RBM6: variants seen among roughly 807,000 people sequenced by gnomAD.
RBM6 encodes RNA binding motif protein 6, also known as RNA-binding protein 6.
A neutral mutation model predicts 140.4 loss-of-function variants in RBM6; 23 were observed. That is an observed-to-expected ratio of 0.16 (90% CI 0.12 to 0.23). The LOEUF (loss-of-function observed/expected upper bound fraction) is 0.23. RBM6 is among the 10% of genes least tolerant of loss of function. RBM6 has a pLI of 1.00. For synonymous variants in RBM6, 439 were observed against 475.6 expected, an observed-to-expected ratio of 0.92 and a Z score of 1.00; for missense variants, 1,139 against 1,386.7, an observed-to-expected ratio of 0.82 and a Z score of 2.84.
chr3:50,008,502 A>C (rs1294132404), intron 6 of RBM6, among the ~76,000 whole-genome samples: 3 of 151,732 alleles, frequency 2.0e-5, no homozygotes, highest in Non-Finnish European at 4.4e-5. Context: ...GTAGCACAGA[A>C]AGATTTAGAA....
At chr3:50,062,235 T>C (rs1433382301) in intron 15 of RBM6, 127 bp downstream of exon 15, 2 of 1,143,090 alleles carry the variant, frequency 1.7e-6, no homozygotes, top group Non-Finnish European at 1.2e-6. Flanking sequence ...CCGGGCGTGG[T>C]GGCTAACGCC....
Position 49,968,532 on chromosome 3 carries a change from G to C in RBM6, c.1107G>C (p.Lys369Asn), listed in dbSNP as rs763440033. 3.1e-6 allele frequency: 5 copies of C among 1,614,178 alleles called. No individual in the cohort carries two copies. Among genetic ancestry groups the C allele is most frequent in the Non-Finnish European group, 1.7e-6 (2 of 1,180,040 alleles). ...AAAGTCCAGTTCAAGACCAAGATAA[G>C]TCACAGCTTTCTGGACGTGAAGAGC... ...NSQSPVQDQD[K>N]SQLSGREEQS... Residue 369 changes from lysine to asparagine, a missense_variant, in exon 3 of 21, where the codon AAG (lysine) becomes AAC (asparagine). Physicochemically the swap from Lys to Asn is moderately conservative, Grantham distance 94. Around this residue, in one of 9 missense-constraint regions of RBM6, gnomAD observed 566 missense variants for 612.7 expected, o/e 0.92. Transcript: ENST00000266022.
At chr3:50,022,950 T>C (rs1425562907) in intron 6 of RBM6, among the ~76,000 whole-genome samples, 4 of 151,876 alleles carry the variant, frequency 2.6e-5, no homozygotes, top group Admixed American at 2.0e-4. Context: ...AGTACAAAAA[T>C]TAGCCAGGTA....
chr3:50,036,148 A>G (rs2088525073), intron 6 of RBM6, among the ~76,000 whole-genome samples: 1 of 151,670 alleles, frequency 6.6e-6, no homozygotes, highest in South Asian at 2.1e-4. Flanking sequence ...CGCCCACCTC[A>G]GCTCCCAAAG....
At chr3:50,055,044 G>C (rs1474707891) in intron 8 of RBM6, among the ~76,000 whole-genome samples, 4 of 152,074 alleles carry the variant, frequency 2.6e-5, no homozygotes, top group Admixed American at 1.3e-4. Context: ...GGATGGTCTC[G>C]ATCTCCTGAC....
rs144633141 is a variant in RBM6, at chr3:49,952,417, C to G, written c.-66-10159C>G. On this transcript the variant is annotated intron_variant, in intron 1 of 20. Transcript: ENST00000266022. ...CTGACCTCAAGTGATCTGCCCACTT[C>G]AGCCTTCTGAAGTGCTGGGATTAAA... Among the ~76,000 whole-genome samples the G allele has an allele frequency of 7.0e-3, 1,060 of 151,918 alleles. 15 individuals are homozygous for G. The highest frequency in any genetic ancestry group is 0.024 in the African/African-American group (1,009 of 41,430).
intron 15 of RBM6, among the ~76,000 whole-genome samples, chr3:50,064,551 A>T (rs2108931056): frequency 6.6e-6 from 1 of 152,086 alleles, no homozygotes; most frequent in African/African-American, 2.4e-5. Context: ...TCTCTCTGTC[A>T]CCCAGGCTGG....
chr3:49,999,395 A>G (rs760316093), intron 5 of RBM6, 45 bp from the exon 6 acceptor site: 4 of 1,512,154 alleles, frequency 2.6e-6, no homozygotes, highest in Non-Finnish European at 3.7e-6. Flanking sequence ...TTGTGTTTGC[A>G]AGGCACTAAC....
At chr3:50,023,797 C>T (rs1316115084) in intron 6 of RBM6, among the ~76,000 whole-genome samples, 2 of 151,412 alleles carry the variant, frequency 1.3e-5, no homozygotes, top group South Asian at 2.1e-4. Flanking sequence ...TACAGGCACC[C>T]GCCATCATGC....
chr3:50,020,878 C>T (rs1220378362), intron 6 of RBM6, among the ~76,000 whole-genome samples: 1 of 152,150 alleles, frequency 6.6e-6, no homozygotes, highest in Non-Finnish European at 1.5e-5. Flanking sequence ...TATGCAAGCC[C>T]ATTGTTGACT....
At chr3:50,018,581 GTTTTTTTTTTTTTTTTT>G (rs58115280) in intron 6 of RBM6, among the ~76,000 whole-genome samples, 6 of 63,554 alleles carry the variant, frequency 9.4e-5, no homozygotes, top group Admixed American at 2.3e-4. Flanking sequence ...GTAGGAGTGT[GTTTTTTTTTTTTTTTTT>G]TTTTTTTTTT....
chr3:50,006,400 T>G lies in RBM6; in HGVS notation c.1557+6887T>G, dbSNP rs563731377. On this transcript the variant is annotated intron_variant, in intron 6 of 20. Transcript: ENST00000266022. ...ATCCGCCCGCCTCGGCCTCCCAGAG[T>G]GCTGGGATTACACATGTGAGCCACT... 4.5e-3 allele frequency among the ~76,000 whole-genome samples: 688 copies of G among 152,110 alleles called. 9 individuals are homozygous for G. The highest frequency in any genetic ancestry group is 4.0e-3 in the Non-Finnish European group (272 of 67,988).
At position 49,968,685 on chromosome 3, in the gene RBM6, C is replaced by T; in HGVS notation, c.1260C>T (p.Gly420=). ...DHRLPGSQMF[G]YGQSKSFPEG... ...GGCTGCCAGGAAGCCAGATGTTTGG[C>T]TATGGCCAGAGCAAGTCTTTTCCAG... Residue 420 remains glycine (G), a synonymous_variant, in exon 3 of 21, where the codon GGC becomes GGT. Coordinates refer to ENST00000266022, the MANE Select transcript of RBM6 (RefSeq NM_005777.3). The T allele has an allele frequency of 2.5e-6, 4 of 1,606,854 alleles. No individual in the cohort carries two copies. The highest frequency in any genetic ancestry group is 3.4e-6 in the Non-Finnish European group (4 of 1,176,282).
chr3:49,989,093 T>C (rs1331975624), intron 5 of RBM6, among the ~76,000 whole-genome samples: 4 of 151,928 alleles, frequency 2.6e-5, no homozygotes, highest in Non-Finnish European at 5.9e-5. Flanking sequence ...GGTAGGAAAA[T>C]CATCACATAG....
chr3:50,073,734 A>G (rs2090375243), intron 19 of RBM6, among the ~76,000 whole-genome samples: 2 of 152,184 alleles, frequency 1.3e-5, no homozygotes, highest in Non-Finnish European at 2.9e-5. Context: ...TACAAACCGT[A>G]TACCTTGCCT....
chr3:49,957,310 CTT>C (rs888900457), intron 1 of RBM6, among the ~76,000 whole-genome samples: 63 of 141,226 alleles, frequency 4.5e-4, no homozygotes, highest in Non-Finnish European at 4.5e-4. Flanking sequence ...TTCTTTCTTT[CTT>C]TTTTTTTTTT....
chr3:49,953,329 C>T (rs534989673), intron 1 of RBM6, among the ~76,000 whole-genome samples: 1 of 151,824 alleles, frequency 6.6e-6, no homozygotes, highest in Admixed American at 6.6e-5. Context: ...AAGTGATTCT[C>T]CTCCCTCAGC....
chr3:49,983,253 G>A (rs746193954), intron 5 of RBM6, among the ~76,000 whole-genome samples: 2 of 152,016 alleles, frequency 1.3e-5, no homozygotes, highest in African/African-American at 4.8e-5. Flanking sequence ...ACTTCCTTAC[G>A]AAGAAAATTC....
At chr3:50,075,602 G>A (rs569345846) in intron 20 of RBM6, among the ~76,000 whole-genome samples, 19 of 152,264 alleles carry the variant, frequency 1.2e-4, no homozygotes, top group Admixed American at 2.6e-4. Context: ...ATCTGAGGCA[G>A]TTTGAGACTG....
Sources: allele counts gnomAD v4.1 joint callset (sites outside exome capture counted in the v4.1 genomes callset), GRCh38; gene constraint gnomAD v4.1.1; regional missense constraint gnomAD v4.1.1; transcripts MANE v1.5; gene names NCBI Gene and HGNC (gene_info 2026-07-23, HGNC 2026-07-21).